The following STIP1 variants were observed in gnomAD, a reference collection of about 807,000 sequenced individuals.
STIP1 encodes the protein stress-induced-phosphoprotein 1.
In STIP1, 16 loss-of-function variants were observed where a neutral mutation model predicts 77.4. The observed-to-expected ratio is 0.21, with a 90% CI of 0.14 to 0.31. The LOEUF (loss-of-function observed/expected upper bound fraction) is 0.31. Among genes scored for constraint, STIP1 ranks in the 10% least tolerant of loss-of-function variants. STIP1 has a pLI of 1.00. For missense variants in STIP1, 524 were observed against 684.8 expected (o/e 0.77, Z 2.62); for synonymous variants, 258 against 246.6 (o/e 1.05, Z -0.44).
chr11:64,187,277 G>A (rs561695840), intron 1 of STIP1, among the ~76,000 whole-genome samples: 1 of 152,110 alleles, frequency 6.6e-6, no homozygotes, highest in African/African-American at 2.4e-5. Context: ...GAAGAAAAAG[G>A]ACAAAACAAC....
chr11:64,199,650 G>A (rs1339918130), intron 8 of STIP1, among the ~76,000 whole-genome samples: 4 of 145,430 alleles, frequency 2.8e-5, no homozygotes, highest in African/African-American at 7.7e-5. Flanking sequence ...GCAAGCTTCC[G>A]CCTCCCGGGT....
chr11:64,197,515 C>G lies in STIP1; in HGVS notation c.822C>G (p.Asp274Glu). Residue 274 changes from aspartate (D) to glutamate (E), a missense_variant, in exon 7 of 14, where the codon GAC becomes GAG. By Grantham distance (45) the Asp-to-Glu change is conservative (BLOSUM62 2). Coordinates refer to ENST00000305218, the MANE Select transcript of STIP1 (RefSeq NM_006819.3). ...CAGCGGTATACTTTGAAAAGGGCGA[C>G]TACAATAAGTGCCGGGAGCTTTGTG... is the stretch of plus-strand genomic sequence containing the variant. ...NQAAVYFEKG[D>E]YNKCRELCEK... 6.2e-7 allele frequency: 1 copy of G among 1,614,144 alleles called. No homozygotes were observed.
Position 64,203,478 on chromosome 11 carries a change from T to C in STIP1, c.1415T>C (p.Met472Thr). The part of the protein sequence containing the change: ...KEAADGYQRC[M>T]MAQYNRHDSP... ...GCGGCAGACGGCTACCAGCGCTGTA[T>C]GATGGCGCAGTACAACCGGCACGAC... Residue 472 changes from methionine to threonine, a missense_variant, in exon 13 of 14, where the codon ATG becomes ACG. Met to Thr is a moderately conservative substitution (Grantham distance 81, BLOSUM62 -1). Coordinates refer to ENST00000305218, the MANE Select transcript of STIP1 (RefSeq NM_006819.3). The C allele has an allele frequency of 6.2e-7, 1 of 1,614,040 alleles. No homozygotes were observed. Among genetic ancestry groups the C allele is most frequent in the Non-Finnish European group, 8.5e-7 (1 of 1,180,010 alleles).
rs3839959 is a variant in STIP1, at chr11:64,204,408, G to GT, written c.*292dup. Reference sequence around the variant, plus strand: ...TGTCTCGGCTGCTCTCCCATAGTTGGTTTTTTTTTTATTTGGGGCAGTGGG... The same window carrying GT: ...TGTCTCGGCTGCTCTCCCATAGTTGGTTTTTTTTTTTATTTGGGGCAGTGGG... On this transcript the variant is annotated 3_prime_UTR_variant, in exon 14 of 14. Coordinates refer to ENST00000305218, the MANE Select transcript of STIP1 (RefSeq NM_006819.3). 10,119 of 388,318 alleles carry GT rather than the reference G, an allele frequency of 0.026. 152 individuals carry two copies. The highest frequency in any genetic ancestry group is 0.16 in the East Asian group (3,775 of 23,642). 24.1% of individuals were successfully genotyped at this position (388,318 alleles called of 1,614,324 possible). A position where few individuals can be genotyped will look rare whatever the true frequency, so the allele number is the denominator to read the frequency against.
rs925136948 is a variant in STIP1 at position 64,195,267 on chromosome 11, C to T, written c.504-378C>T. ...TAGCTGGGATTACAGGTGTACGCCACCACGCCCAGCTAATTTTTGTATGTT... is the reference window on the plus strand; with the variant it reads ...TAGCTGGGATTACAGGTGTACGCCATCACGCCCAGCTAATTTTTGTATGTT... On this transcript the variant is annotated intron_variant, in intron 4 of 13. Transcript: ENST00000305218. Among the ~76,000 whole-genome samples, 12 of 152,220 alleles carry T rather than the reference C, an allele frequency of 7.9e-5. No individual in the cohort carries two copies. The East Asian group carries it at 1.7e-3, about 22-fold the overall frequency.
At chr11:64,193,357 GT>G in intron 2 of STIP1, 70 bp downstream of exon 2, 1 of 1,439,274 alleles carries the variant, frequency 6.9e-7, no homozygotes, top group African/African-American at 1.4e-5. Flanking sequence ...GTGGCCTGAG[GT>G]TTACCTGTCC....
intron 10 of STIP1, 149 bp downstream of exon 10, chr11:64,200,442 T>TG: frequency 5.4e-6 from 7 of 1,294,590 alleles, no homozygotes; most frequent in Non-Finnish European, 7.4e-6. Flanking sequence ...CCTGAGGAGC[T>TG]AGGACCACAG....
chr11:64,198,788 G>A (rs1200297369), intron 8 of STIP1, among the ~76,000 whole-genome samples: 1 of 80,408 alleles, frequency 1.2e-5, no homozygotes, highest in African/African-American at 4.7e-5. Context: ...TTTTGGTATT[G>A]GCCAAGATTT....
chr11:64,202,927 G>T lies in STIP1; in HGVS notation c.1282+15G>T, dbSNP rs1341756059. The T allele has an allele frequency of 4.3e-6, 7 of 1,614,192 alleles. No homozygotes were observed. The South Asian group carries it at 7.7e-5, about 18-fold the overall frequency. ...GCCGACCTTCAGTAAGTGCCTTTCT[G>T]CTGCCTGTCCCCTGTCTCTAGCCAA... On this transcript the variant is annotated intron_variant, in intron 11 of 13. Coordinates refer to ENST00000305218, the MANE Select transcript of STIP1 (RefSeq NM_006819.3).
chr11:64,185,719 G>A (rs116458591), upstream of STIP1: 449 of 1,453,150 alleles, frequency 3.1e-4, 1 homozygote, highest in African/African-American at 5.9e-3. Flanking sequence ...TCAGGGGCGG[G>A]GCGAAACCCG....
Position 64,199,243 on chromosome 11 carries a change from G to A in STIP1, c.1024-697G>A, listed in dbSNP as rs749353720. On this transcript the variant is annotated intron_variant, in intron 8 of 13. Transcript: ENST00000305218. ...GCAATAGCCAGTCGCAGTGGCTCAC[G>A]CCTGCGATCCCAGCACTTTGGGAGG... Among the ~76,000 whole-genome samples, 10 of 148,044 alleles carry A rather than the reference G, an allele frequency of 6.8e-5. 1 individual carries two copies. In the South Asian group the frequency reaches 1.5e-3, roughly 22 times the overall value.
chr11:64,203,802 C>T, intron 13 of STIP1, 180 bp downstream of exon 13: 1 of 826,390 alleles, frequency 1.2e-6, no homozygotes, highest in Non-Finnish European at 1.9e-6. Context: ...GTCGTGATAG[C>T]TTAAGCAGTC....
Position 64,200,050 on chromosome 11 carries a change from C to T in STIP1, c.1120+14C>T, listed in dbSNP as rs764039816. 6 of 1,614,022 alleles carry T rather than the reference C, an allele frequency of 3.7e-6. No homozygotes were observed. In the South Asian group the frequency reaches 6.6e-5, roughly 18 times the overall value. ...GTTTTCAGAAAGGTACTGCCTGCAG[C>T]TGGGGGATTGGGGGAGCAGTGCTGG... On this transcript the variant is annotated intron_variant, in intron 9 of 13. Transcript: ENST00000305218.
chr11:64,194,640 T>C lies in STIP1; in HGVS notation c.503+20T>C. ...GGGCACGTAAGTGGACGCCGCTCAC[T>C]GAGGTTCTGGAAATCGGGGAATGTT... On this transcript the variant is annotated intron_variant, in intron 4 of 13. Transcript: ENST00000305218. The C allele has an allele frequency of 6.2e-7, 1 of 1,608,854 alleles. No homozygotes were observed. The highest frequency in any genetic ancestry group is 1.1e-5 in the South Asian group (1 of 90,630).
At chr11:64,185,585 C>T, upstream of STIP1, 1 of 567,406 alleles carries the variant, frequency 1.8e-6, no homozygotes. Context: ...CCCTGTGCCG[C>T]TGGCGATCCC....
At chr11:64,188,482 G>A (rs1041891466) in intron 1 of STIP1, among the ~76,000 whole-genome samples, 1 of 152,134 alleles carries the variant, frequency 6.6e-6, no homozygotes, top group East Asian at 1.9e-4. Flanking sequence ...CAAGTTCCTG[G>A]CCTCAAGCGA....
Position 64,197,524 on chromosome 11 carries a change from G to A in STIP1, c.831G>A (p.Lys277=). The stretch of plus-strand genomic sequence containing the variant: ...ACTTTGAAAAGGGCGACTACAATAA[G>A]TGCCGGGAGCTTTGTGAGAAGGCCA... ...AVYFEKGDYN[K]CRELCEKAIE... is the part of the protein sequence containing the mutation. The change falls in exon 7 of 14, where the codon AAG becomes AAA. Residue 277 remains lysine (K), a synonymous_variant. Coordinates refer to ENST00000305218, the MANE Select transcript of STIP1 (RefSeq NM_006819.3). 6.2e-7 allele frequency: 1 copy of A among 1,614,188 alleles called. No individual in the cohort carries two copies. Among genetic ancestry groups the A allele is most frequent in the South Asian group, 1.1e-5 (1 of 91,086 alleles).
chr11:64,188,408 G>T lies in STIP1; in HGVS notation c.9+2138G>T, dbSNP rs957730175. Reference sequence around the variant, plus strand: ...AAATTTATTTTGTATTTTTTTTAGAGACAGGGTCTGGTTCTGTGGCCCAGG... The same window carrying T: ...AAATTTATTTTGTATTTTTTTTAGATACAGGGTCTGGTTCTGTGGCCCAGG... On this transcript the variant is annotated intron_variant, in intron 1 of 13. Coordinates refer to ENST00000305218, the MANE Select transcript of STIP1 (RefSeq NM_006819.3). Among the ~76,000 whole-genome samples, 8 of 151,468 alleles carry T rather than the reference G, an allele frequency of 5.3e-5. No homozygotes were observed. The East Asian group carries it at 1.5e-3, about 29-fold the overall frequency.
chr11:64,200,660 C>T (rs554034311), intron 10 of STIP1, among the ~76,000 whole-genome samples: 1 of 150,540 alleles, frequency 6.6e-6, no homozygotes, highest in South Asian at 2.1e-4. Context: ...TCTAACTGGT[C>T]CTGGTCCATG....
Sources: gnomAD v4.1 joint callset for allele counts (sites outside exome capture counted in the v4.1 genomes callset) on GRCh38, gnomAD v4.1.1 for gene constraint, MANE v1.5 for transcripts, NCBI Gene and HGNC (gene_info 2026-07-23, HGNC 2026-07-21) for gene names.